CNOT10: variants seen among roughly 807,000 people sequenced by gnomAD.
CNOT10 encodes the protein CCR4-NOT transcription complex subunit 10, also known as CCR4-NOT transcription complex, subunit 10.
Under a neutral mutation model 94.6 loss-of-function variants are expected in CNOT10, and 30 were observed. That is an observed-to-expected ratio of 0.32 (90% confidence interval 0.24 to 0.43). The LOEUF is 0.43. CNOT10 is among the 20% of genes least tolerant of loss of function. CNOT10 has a pLI of 1.00. For missense variants in CNOT10, 759 were observed against 877.2 expected (o/e 0.87, Z 1.70); for synonymous variants, 289 against 301.6 (o/e 0.96, Z 0.43).
chr3:32,724,369 C>T (rs1358730658), intron 8 of CNOT10, among the ~76,000 whole-genome samples: 3 of 151,432 alleles, frequency 2.0e-5, no homozygotes, highest in Non-Finnish European at 4.4e-5. Flanking sequence ...CCTCAGCCTC[C>T]CGAGTAACTG....
chr3:32,722,668 G>A (rs528924128), intron 8 of CNOT10, among the ~76,000 whole-genome samples: 1 of 152,128 alleles, frequency 6.6e-6, no homozygotes, highest in East Asian at 1.9e-4. Context: ...ACAAGGCCTT[G>A]TCTCTAAAAA....
chr3:32,738,103 G>A (rs562657739), intron 13 of CNOT10, among the ~76,000 whole-genome samples: 7 of 152,236 alleles, frequency 4.6e-5, no homozygotes, highest in African/African-American at 1.7e-4. Flanking sequence ...ATCTTCCTCT[G>A]TTTTCTGCAA....
intron 4 of CNOT10, among the ~76,000 whole-genome samples, chr3:32,709,975 C>T (rs752276312): frequency 6.6e-5 from 10 of 151,734 alleles, no homozygotes; most frequent in South Asian, 4.2e-4. Flanking sequence ...GGGGAAACCC[C>T]GTCTCTACTA....
At chr3:32,769,864 G>T (rs773338118) in intron 17 of CNOT10, 23 bp from the exon 18 acceptor site, 1 of 1,600,200 alleles carries the variant, frequency 6.2e-7, no homozygotes, top group Non-Finnish European at 8.6e-7. Flanking sequence ...TTTTTCACGG[G>T]CATCTTTCTG....
intron 13 of CNOT10, among the ~76,000 whole-genome samples, chr3:32,748,840 T>C (rs574107110): frequency 2.0e-4 from 30 of 147,350 alleles, no homozygotes; most frequent in African/African-American, 5.5e-4. Context: ...TTTTTTGTTT[T>C]TGTTTTTTGA....
At chr3:32,770,027 A>G in intron 18 of CNOT10, 65 bp downstream of exon 18, 3 of 1,246,506 alleles carry the variant, frequency 2.4e-6, no homozygotes, top group Non-Finnish European at 3.5e-6. Flanking sequence ...TGGTTGGGAG[A>G]CAGGGTCTCA....
intron 1 of CNOT10, among the ~76,000 whole-genome samples, chr3:32,687,929 C>G (rs966315108): frequency 6.6e-6 from 1 of 152,170 alleles, no homozygotes; most frequent in East Asian, 1.9e-4. Flanking sequence ...TTCATTCAGT[C>G]TATCTTACAT....
At position 32,727,830 on chromosome 3, in the gene CNOT10, G is replaced by A; in HGVS notation, c.1175G>A (p.Trp392Ter). Residue 392 changes from tryptophan (W) to a stop codon, truncating the protein, a stop_gained, in exon 10 of 19, where the codon TGG becomes TAG. Transcript: ENST00000328834. LOFTEE classifies it high-confidence loss of function. The stretch of plus-strand genomic sequence containing the variant: ...GTTTATCATGCAAATCCTCGCCTCT[G>A]GCTACGGCTGGCTGAATGCTGCATT... ...VQVYHANPRLWLRLAECCIAA... is the reference protein window; with the variant it reads ...VQVYHANPRL 6.2e-7 allele frequency: 1 copy of A among 1,613,154 alleles called. No homozygotes were observed. Among genetic ancestry groups the A allele is most frequent in the Non-Finnish European group, 8.5e-7 (1 of 1,179,864 alleles).
rs200409007 is a variant in CNOT10, at chr3:32,720,831, C to CCCTCCCTTCCTCCCTTCCTCCCTT, written c.862+611_862+634dup. ...TTAACCTGACTTGCCTGCCCTCCCT[C>CCCTCCCTTCCTCCCTTCCTCCCTT]CCTCCCTTCCTCCCTTCCTCCCTTC... is the stretch of plus-strand genomic sequence containing the variant. On this transcript the variant is annotated intron_variant, in intron 8 of 18. Transcript: ENST00000328834. 2.4e-5 allele frequency among the ~76,000 whole-genome samples: 3 copies of CCCTCCCTTCCTCCCTTCCTCCCTT among 127,320 alleles called. No homozygotes were observed. In the Admixed American group the frequency reaches 2.4e-4, roughly 10 times the overall value. 83.5% of individuals were successfully genotyped at this position (127,320 alleles called of 152,430 possible). A position where few individuals can be genotyped will look rare whatever the true frequency, so the allele number is the denominator to read the frequency against.
intron 3 of CNOT10, 76 bp from the exon 4 acceptor site, chr3:32,708,594 T>TA: frequency 1.6e-6 from 2 of 1,282,682 alleles, no homozygotes; most frequent in Non-Finnish European, 2.2e-6. Context: ...TGTTCCTTTT[T>TA]ATTCATATGA....
chr3:32,737,907 C>A (rs552688321), intron 13 of CNOT10, among the ~76,000 whole-genome samples: 142 of 152,078 alleles, frequency 9.3e-4, no homozygotes, highest in African/African-American at 3.3e-3. Flanking sequence ...TGTGATAAAC[C>A]CTACTTGGTC....
At position 32,708,687 on chromosome 3, in the gene CNOT10, A is replaced by G; in HGVS notation, c.297A>G (p.Glu99=). The G allele has an allele frequency of 1.2e-6, 2 of 1,611,690 alleles. No homozygotes were observed. The highest frequency in any genetic ancestry group is 1.7e-6 in the Non-Finnish European group (2 of 1,179,420). ...CTTTATAGGTCCACTCAGCTGTTGA[A>G]GAAATGGATGGATTAGATGATGTTG... ...QLKNQVHSAV[E]EMDGLDDVEN... The change falls in exon 4 of 19, where the codon GAA becomes GAG. Residue 99 remains glutamate, a synonymous_variant. Transcript: ENST00000328834.
At chr3:32,704,385 A>G (rs983443608) in intron 2 of CNOT10, among the ~76,000 whole-genome samples, 1 of 152,194 alleles carries the variant, frequency 6.6e-6, no homozygotes, top group Non-Finnish European at 1.5e-5. Context: ...CTGGCATTAA[A>G]CAATATGAAA....
chr3:32,695,518 T>C lies in CNOT10; in HGVS notation c.23-8350T>C, dbSNP rs569938636. 16 of 1,463,678 alleles carry C rather than the reference T, an allele frequency of 1.1e-5. No homozygotes were observed. The East Asian group carries it at 3.0e-4, about 27-fold the overall frequency. The allele number at this position is 1,463,678 out of a possible 1,614,324, so 90.7% of individuals were successfully genotyped here. A position where few individuals can be genotyped will look rare whatever the true frequency, so the allele number is the denominator to read the frequency against. On this transcript the variant is annotated intron_variant, in intron 1 of 18. Transcript: ENST00000328834. ...TCAGATTTGAATGATTAACATTCTG[T>C]ATTGGAATGTGTCTGTGCTTTCAGT...
Position 32,772,474 on chromosome 3 carries a change from G to A in CNOT10, c.2081-983G>A, listed in dbSNP as rs147132994. Among the ~76,000 whole-genome samples, 1,058 of 152,166 alleles carry A rather than the reference G, an allele frequency of 7.0e-3. 20 individuals carry two copies. The highest frequency in any genetic ancestry group is 0.024 in the African/African-American group (989 of 41,520). On this transcript the variant is annotated intron_variant, in intron 18 of 18. Coordinates refer to ENST00000328834, the MANE Select transcript of CNOT10 (RefSeq NM_015442.3). ...CTATAGTGTGCAGTATTGCTCCTGT[G>A]AACAGTCACTGCACTCCAGCCTGGG...
intron 10 of CNOT10, among the ~76,000 whole-genome samples, chr3:32,729,791 C>T (rs1698854998): frequency 1.1e-5 from 1 of 91,172 alleles, no homozygotes; most frequent in Non-Finnish European, 1.9e-5. Flanking sequence ...TTTTTTGAGA[C>T]GGAGTCTCGC....
chr3:32,698,519 G>A (rs1405032051), intron 1 of CNOT10, among the ~76,000 whole-genome samples: 8 of 152,066 alleles, frequency 5.3e-5, no homozygotes, highest in Admixed American at 2.6e-4. Context: ...TTAAATTACA[G>A]ACATAAATAT....
chr3:32,738,612 G>A (rs1464194068), intron 13 of CNOT10, among the ~76,000 whole-genome samples: 2 of 151,816 alleles, frequency 1.3e-5, no homozygotes, highest in African/African-American at 4.8e-5. Context: ...ACAGGCGCCT[G>A]CCACCACACA....
At chr3:32,723,115 C>G (rs1350169910) in intron 8 of CNOT10, among the ~76,000 whole-genome samples, 1 of 151,924 alleles carries the variant, frequency 6.6e-6, no homozygotes, top group African/African-American at 2.4e-5. Context: ...TATTAAAGGC[C>G]GGGCACGGTG....
Sources: allele counts gnomAD v4.1 joint callset (sites outside exome capture counted in the v4.1 genomes callset), GRCh38; gene constraint gnomAD v4.1.1; transcripts MANE v1.5; gene names NCBI Gene and HGNC (gene_info 2026-07-23, HGNC 2026-07-21).